PML: variants seen among roughly 807,000 people sequenced by gnomAD.
PML encodes the protein PML nuclear body scaffold, also known as protein PML.
PML carries 28 observed loss-of-function variants against 65.2 expected under a neutral mutation model. The observed-to-expected ratio is 0.43, with a 90% confidence interval of 0.32 to 0.59. The LOEUF (loss-of-function observed/expected upper bound fraction) is 0.59. PML is among the 20% of genes least tolerant of loss of function. PML has a pLI of 0.08. For missense variants in PML, 1,021 were observed against 1,203.4 expected, an observed-to-expected ratio of 0.85 and a Z score of 2.24; for synonymous variants, 500 against 508.8, an observed-to-expected ratio of 0.98 and a Z score of 0.23.
At chr15:74,024,301 G>C (rs2070976275) in intron 3 of PML, among the ~76,000 whole-genome samples, 1 of 152,150 alleles carries the variant, frequency 6.6e-6, no homozygotes, top group Admixed American at 6.5e-5. Context: ...GGGTCATGAA[G>C]GATAATCTTA....
In PML at chr15:73,994,874, C is replaced by G. The variant is rs2069392568; in HGVS notation, c.62C>G (p.Pro21Arg). 4 of 1,556,658 alleles carry G rather than the reference C, an allele frequency of 2.6e-6. No homozygotes were observed. Among genetic ancestry groups the G allele is most frequent in the Non-Finnish European group, 2.6e-6 (3 of 1,149,314 alleles). ...CAGGACCCCGCCCGGCCCCAGGAGC[C>G]CACCATGCCTCCCCCCGAGACCCCC... ...PQQDPARPQE[P>R]TMPPPETPSE... The change falls in exon 1 of 9, where the codon CCC (proline) becomes CGC (arginine). Residue 21 changes from proline (P) to arginine (R), a missense_variant. Transcript: ENST00000268058.
intron 2 of PML, among the ~76,000 whole-genome samples, chr15:74,005,549 G>A (rs754039317): frequency 6.7e-5 from 10 of 149,318 alleles, no homozygotes; most frequent in Admixed American, 1.3e-4. Flanking sequence ...TCTTCTATCT[G>A]CTACCCCTGT....
At chr15:74,021,637 C>T (rs1489791978) in intron 2 of PML, among the ~76,000 whole-genome samples, 2 of 151,686 alleles carry the variant, frequency 1.3e-5, no homozygotes, top group Non-Finnish European at 2.9e-5. Context: ...TTTGATCTAG[C>T]AGGCCTATAT....
At chr15:74,025,010 G>T (rs532529280) in intron 4 of PML, 83 bp downstream of exon 4, 2 of 900,028 alleles carry the variant, frequency 2.2e-6, no homozygotes, top group South Asian at 1.3e-5. Flanking sequence ...CCCTGTGTGT[G>T]CAGGGAGAGC....
At chr15:74,036,170 T>G (rs1256745266) in intron 7 of PML, 1 of 1,602,280 alleles carries the variant, frequency 6.2e-7, no homozygotes. Context: ...TGGCTGAGAT[T>G]CAAGCCACCA....
At chr15:74,002,695 CCACCCG>C (rs1384107158) in intron 2 of PML, among the ~76,000 whole-genome samples, 2 of 149,194 alleles carry the variant, frequency 1.3e-5, no homozygotes, top group African/African-American at 2.5e-5. Context: ...ACCTTGTGAT[CCACCCG>C]CCTCAGCCTC....
rs1198521064 is a variant in PML, at chr15:74,022,954, G to A, written c.729G>A (p.Met243Ile). 1.2e-6 allele frequency: 2 copies of A among 1,611,068 alleles called. No individual in the cohort carries two copies. The highest frequency in any genetic ancestry group is 8.5e-7 in the Non-Finnish European group (1 of 1,178,984). The change falls in exon 3 of 9, where the codon ATG becomes ATA. Residue 243 changes from methionine to isoleucine, a missense_variant. Coordinates refer to ENST00000268058, the MANE Select transcript of PML (RefSeq NM_033238.3). ...AGCGACAGGAGGAGCTGGACGCCAT[G>A]ACGCAGGCGCTGCAGGAGCAGGATA... ...IQQRQEELDA[M>I]TQALQEQDSA...
In PML at chr15:74,019,030, C is replaced by G. The variant is rs115663134; in HGVS notation, c.603-3798C>G. Reference sequence around the variant, plus strand: ...TCATTCCTGGCCCTGGGTGGCAGCCCTTTGATTCAGGATCTGCACCTCAGT... The same window carrying G: ...TCATTCCTGGCCCTGGGTGGCAGCCGTTTGATTCAGGATCTGCACCTCAGT... On this transcript the variant is annotated intron_variant, in intron 2 of 8. Coordinates refer to ENST00000268058, the MANE Select transcript of PML (RefSeq NM_033238.3). 1.3e-3 allele frequency among the ~76,000 whole-genome samples: 203 copies of G among 152,308 alleles called. 1 individual carries two copies. The highest frequency in any genetic ancestry group is 4.7e-3 in the African/African-American group (194 of 41,560).
At chr15:74,003,288 C>T (rs57940614) in intron 2 of PML, among the ~76,000 whole-genome samples, 5,715 of 152,048 alleles carry the variant, frequency 0.038, 131 homozygotes, top group African/African-American at 0.065. Flanking sequence ...AAAAATTAGC[C>T]GGGCGTGGTG....
chr15:74,034,606 G>A lies in PML; in HGVS notation c.1710+76G>A. The A allele has an allele frequency of 2.5e-6, 4 of 1,614,142 alleles. 1 individual carries two copies. The highest frequency in any genetic ancestry group is 8.5e-7 in the Non-Finnish European group (1 of 1,179,996). ...GTCCCAGGGGGCACAGCCACAGCAG[G>A]TGACTCTCAGACTTGCCTTGCGCCT... On this transcript the variant is annotated intron_variant, in intron 7 of 8. Transcript: ENST00000268058.
In PML at chr15:74,043,840, A is replaced by G; in HGVS notation, c.1862-381A>G. The G allele has an allele frequency of 1.9e-6, 1 of 524,556 alleles. No individual in the cohort carries two copies. Among genetic ancestry groups the G allele is most frequent in the Admixed American group, 2.1e-5 (1 of 47,724 alleles). 32.5% of individuals were successfully genotyped at this position (524,556 alleles called of 1,614,324 possible). A position where few individuals can be genotyped will look rare whatever the true frequency, so the allele number is the denominator to read the frequency against. ...TGACTGGGCTGGGGTCCTTGAGGGG[A>G]TTGGAGGAAGGAGCATGGGATGGAG... On this transcript the variant is annotated intron_variant, in intron 8 of 8. Transcript: ENST00000268058. The surrounding 1 kb of genome is among the most constrained non-coding windows in gnomAD (Gnocchi z 4.3).
chr15:74,032,510 G>T, intron 4 of PML, 62 bp from the exon 5 acceptor site: 1 of 1,595,202 alleles, frequency 6.3e-7, no homozygotes, highest in Non-Finnish European at 8.6e-7. Context: ...CCACAGGTCT[G>T]GGGTACCTGG....
At position 74,042,267 on chromosome 15, in the gene PML, G is replaced by A; in HGVS notation, c.1711-722G>A. The A allele has an allele frequency of 1.5e-6, 1 of 682,238 alleles. No individual in the cohort carries two copies. Among genetic ancestry groups the A allele is most frequent in the Non-Finnish European group, 1.8e-6 (1 of 552,844 alleles). The allele number at this position is 682,238 out of a possible 1,614,324, so 42.3% of individuals were successfully genotyped here. A position where few individuals can be genotyped will look rare whatever the true frequency, so the allele number is the denominator to read the frequency against. On this transcript the variant is annotated intron_variant, in intron 7 of 8. Coordinates refer to ENST00000268058, the MANE Select transcript of PML (RefSeq NM_033238.3). The surrounding 1 kb of genome is among the most constrained non-coding windows in gnomAD (Gnocchi z 5.3). Reference sequence around the variant, plus strand: ...ACTCAGGTTTCTCTAAGCTGCTGGGGCAGATGCCAAGAGCCTCCACTGCTC... The same window carrying A: ...ACTCAGGTTTCTCTAAGCTGCTGGGACAGATGCCAAGAGCCTCCACTGCTC...
chr15:74,021,748 G>A (rs2070846191), intron 2 of PML, among the ~76,000 whole-genome samples: 1 of 151,430 alleles, frequency 6.6e-6, no homozygotes, highest in South Asian at 2.1e-4. Flanking sequence ...AAAAAAAAAA[G>A]GAAAGGAAAA....
intron 2 of PML, among the ~76,000 whole-genome samples, chr15:74,015,831 T>A (rs188970382): frequency 2.7e-4 from 41 of 152,332 alleles, no homozygotes; most frequent in Middle Eastern, 3.4e-3. Context: ...GTGGGGAAAT[T>A]AAGACTCAGA....
rs927983938 is a variant in PML, at chr15:74,033,401, C to T, written c.1644C>T (p.Gly548=). 8.7e-6 allele frequency: 14 copies of T among 1,612,140 alleles called. No homozygotes were observed. Among genetic ancestry groups the T allele is most frequent in the Admixed American group, 3.3e-5 (2 of 59,978 alleles). ...CCAACAGCAACCACGTGGCCAGTGG[C>T]GCCGGGGAGGCAGGTAGGGAGGTGG... is the stretch of plus-strand genomic sequence containing the variant. ...FLPNSNHVAS[G]AGEAEERVVV... is the part of the protein sequence containing the mutation. Residue 548 remains glycine, a synonymous_variant, in exon 6 of 9, where the codon GGC becomes GGT. Coordinates refer to ENST00000268058, the MANE Select transcript of PML (RefSeq NM_033238.3).
rs1033208503 is a variant in PML at position 74,037,041 on chromosome 15, C to T, written c.1710+2511C>T. The T allele has an allele frequency of 4.2e-5, 41 of 985,346 alleles. No individual in the cohort carries two copies. Among genetic ancestry groups the T allele is most frequent in the Middle Eastern group, 1.0e-3 (2 of 1,936 alleles). 61.0% of individuals were successfully genotyped at this position (985,346 alleles called of 1,614,324 possible). The stretch of plus-strand genomic sequence containing the variant: ...ATCCTGGAAGGACTCAGGAGCTTGT[C>T]GCCTCTGTGCTGCCACCTGGAGACC... On this transcript the variant is annotated intron_variant, in intron 7 of 8. Transcript: ENST00000268058. The surrounding 1 kb of genome is among the most constrained non-coding windows in gnomAD (Gnocchi z 4.2).
rs1281238472 is a variant in PML at position 74,047,725 on chromosome 15, A to G, written c.*2717A>G. 1 of 191,064 alleles carries G rather than the reference A, an allele frequency of 5.2e-6. No individual in the cohort carries two copies. The highest frequency in any genetic ancestry group is 2.3e-5 in the African/African-American group (1 of 42,968). The allele number at this position is 191,064 out of a possible 1,614,324, so 11.8% of individuals were successfully genotyped here. ...ATGTGTGTGAAGATAGCTTTTTGGT[A>G]TATTTTAAAAGTGCACAAATTTAAG... is the stretch of plus-strand genomic sequence containing the variant. On this transcript the variant is annotated 3_prime_UTR_variant, in exon 9 of 9. Coordinates refer to ENST00000268058, the MANE Select transcript of PML (RefSeq NM_033238.3).
intron 1 of PML, 132 bp downstream of exon 1, chr15:73,995,073 C>A: frequency 1.2e-6 from 1 of 825,326 alleles, no homozygotes; most frequent in Non-Finnish European, 1.9e-6. Flanking sequence ...GAAGTCCAGA[C>A]ACCAGGGTCC....
Sources: allele counts gnomAD v4.1 joint callset (sites outside exome capture counted in the v4.1 genomes callset), GRCh38; gene constraint gnomAD v4.1.1; non-coding constraint Gnocchi (gnomAD v3.1); transcripts MANE v1.5; gene names NCBI Gene and HGNC (gene_info 2026-07-23, HGNC 2026-07-21).